The following CDH13 variants were observed in gnomAD, a reference collection of about 807,000 sequenced individuals.
CDH13 encodes cadherin-13.
A neutral mutation model predicts 63.8 loss-of-function variants in CDH13; 24 were observed. The observed-to-expected ratio is 0.38, with a 90% confidence interval of 0.27 to 0.53. CDH13 has a LOEUF of 0.53. CDH13 is among the 20% of genes least tolerant of loss of function. The pLI is 0.85. For missense variants in CDH13, 1,049 were observed against 903.1 expected (o/e 1.16, Z -2.07); for synonymous variants, 503 against 355.3 (o/e 1.42, Z -4.67).
rs140525264 is a variant in CDH13, at chr16:82,888,323, G to A, written c.157+29850G>A. On this transcript the variant is annotated intron_variant, in intron 2 of 13. Coordinates refer to ENST00000567109, the MANE Select transcript of CDH13 (RefSeq NM_001257.5). ...AAAAGGTTTGATCTGGCTGTGACAG[G>A]GAATATTGTGAAGCTGCTGGACTGG... 1.0e-3 allele frequency among the ~76,000 whole-genome samples: 158 copies of A among 152,286 alleles called. 1 individual carries two copies. The highest frequency in any genetic ancestry group is 3.6e-3 in the African/African-American group (148 of 41,560).
chr16:83,091,509 A>T (rs530720482), intron 3 of CDH13, among the ~76,000 whole-genome samples: 1 of 152,334 alleles, frequency 6.6e-6, no homozygotes, highest in South Asian at 2.1e-4. Flanking sequence ...TCAGTTCCTT[A>T]CAACTGCCTT....
intron 1 of CDH13, among the ~76,000 whole-genome samples, chr16:82,692,691 C>T (rs536924243): frequency 6.6e-6 from 1 of 152,244 alleles, no homozygotes; most frequent in East Asian, 1.9e-4. Flanking sequence ...CAGTGTGGTC[C>T]TTAGCAATCA....
chr16:83,736,854 C>T (rs953483830), intron 10 of CDH13, among the ~76,000 whole-genome samples: 10 of 152,176 alleles, frequency 6.6e-5, no homozygotes, highest in Admixed American at 5.2e-4. Flanking sequence ...ACAAGACGCC[C>T]GGTATGACCT....
chr16:83,129,568 G>A (rs1004858436), intron 4 of CDH13, among the ~76,000 whole-genome samples: 13 of 152,134 alleles, frequency 8.5e-5, no homozygotes, highest in South Asian at 2.1e-4. Context: ...CACTGTCAGC[G>A]TTACACCACC....
chr16:83,571,084 C>G (rs181887845), intron 7 of CDH13, among the ~76,000 whole-genome samples: 18 of 151,410 alleles, frequency 1.2e-4, no homozygotes, highest in Admixed American at 1.1e-3. Context: ...AAAGCCAAAA[C>G]AGACCCCGTT....
intron 1 of CDH13, among the ~76,000 whole-genome samples, chr16:82,756,734 G>C (rs185992370): frequency 6.6e-6 from 1 of 152,146 alleles, no homozygotes; most frequent in East Asian, 1.9e-4. Context: ...GGAGGACCAA[G>C]CTGAATATAA....
At chr16:83,535,260 C>A (rs1488418968) in intron 7 of CDH13, among the ~76,000 whole-genome samples, 1 of 152,214 alleles carries the variant, frequency 6.6e-6, no homozygotes, top group African/African-American at 2.4e-5. Flanking sequence ...TGGAAAGAGA[C>A]ACAGGCTTTT....
At chr16:82,793,620 AT>A (rs1255863988) in intron 1 of CDH13, among the ~76,000 whole-genome samples, 1 of 152,076 alleles carries the variant, frequency 6.6e-6, no homozygotes, top group Admixed American at 6.5e-5. Flanking sequence ...CCCTGAAAGT[AT>A]TTTTATGCCC....
chr16:82,735,133 A>T (rs1194487529), intron 1 of CDH13, among the ~76,000 whole-genome samples: 1 of 152,210 alleles, frequency 6.6e-6, no homozygotes, highest in Non-Finnish European at 1.5e-5. Flanking sequence ...GGAGCAAAGT[A>T]AAAGGAAACA....
intron 13 of CDH13, among the ~76,000 whole-genome samples, chr16:83,793,563 T>C (rs1916411679): frequency 6.6e-6 from 1 of 152,304 alleles, no homozygotes; most frequent in South Asian, 2.1e-4. Context: ...TTTTTTCCTC[T>C]GGGAACACAA....
At chr16:82,769,461 A>G (rs1490729341) in intron 1 of CDH13, among the ~76,000 whole-genome samples, 2 of 152,190 alleles carry the variant, frequency 1.3e-5, no homozygotes, top group Non-Finnish European at 2.9e-5. Context: ...GCATCAGGGA[A>G]GAAGAAGAAA....
intron 1 of CDH13, among the ~76,000 whole-genome samples, chr16:82,851,206 C>T (rs890247413): frequency 3.9e-5 from 6 of 152,092 alleles, no homozygotes; most frequent in South Asian, 2.1e-4. Context: ...GAGGCTGAGG[C>T]GGGCGAATCG....
At chr16:83,195,199 A>T (rs2038843811) in intron 4 of CDH13, among the ~76,000 whole-genome samples, 1 of 152,222 alleles carries the variant, frequency 6.6e-6, no homozygotes, top group South Asian at 2.1e-4. Context: ...AGTGGTTGTT[A>T]AATGATGGTA....
chr16:83,534,454 G>T (rs1470294927), intron 7 of CDH13, among the ~76,000 whole-genome samples: 1 of 152,170 alleles, frequency 6.6e-6, no homozygotes, highest in African/African-American at 2.4e-5. Flanking sequence ...TCTTGCTGTT[G>T]AATCTGACAT....
At chr16:83,213,092 G>A (rs879658657) in intron 4 of CDH13, among the ~76,000 whole-genome samples, 7 of 152,196 alleles carry the variant, frequency 4.6e-5, no homozygotes, top group African/African-American at 9.6e-5. Context: ...GTTGAAGAGA[G>A]ACAGAAGAGA....
At chr16:83,374,892 C>T (rs1170215282) in intron 6 of CDH13, among the ~76,000 whole-genome samples, 1 of 152,190 alleles carries the variant, frequency 6.6e-6, no homozygotes, top group African/African-American at 2.4e-5. Flanking sequence ...CTCCTTTCTA[C>T]CACATCCAAA....
chr16:83,633,511 T>C (rs1277796497), intron 8 of CDH13, among the ~76,000 whole-genome samples: 11 of 152,348 alleles, frequency 7.2e-5, no homozygotes, highest in Non-Finnish European at 1.3e-4. Flanking sequence ...TAGCCAGGTC[T>C]GAAAGGAGTT....
At position 83,494,850 on chromosome 16, in the gene CDH13, G is replaced by T. The variant is rs1002300815; in HGVS notation, c.960+8195G>T. Reference sequence around the variant, plus strand: ...TTCATAGGATAAAAGCTTGTTGATCGTATTATTTAGTTGAACACTTTGGGG... The same window carrying T: ...TTCATAGGATAAAAGCTTGTTGATCTTATTATTTAGTTGAACACTTTGGGG... On this transcript the variant is annotated intron_variant, in intron 7 of 13. Transcript: ENST00000567109. 2.0e-5 allele frequency among the ~76,000 whole-genome samples: 3 copies of T among 152,064 alleles called. No individual in the cohort carries two copies. The East Asian group carries it at 5.8e-4, about 29-fold the overall frequency.
At chr16:82,824,641 A>G (rs1029248372) in intron 1 of CDH13, 4 of 152,226 alleles carry the variant, frequency 2.6e-5, no homozygotes, top group Non-Finnish European at 4.4e-5. Flanking sequence ...ATGTTAAATG[A>G]CACCACAGAG....
Sources: gnomAD v4.1 joint callset for allele counts (sites outside exome capture counted in the v4.1 genomes callset) on GRCh38, gnomAD v4.1.1 for gene constraint, MANE v1.5 for transcripts, NCBI Gene and HGNC (gene_info 2026-07-23, HGNC 2026-07-21) for gene names.